The following GMDS variants were observed in gnomAD, a reference collection of about 807,000 sequenced individuals.
GMDS encodes the protein GDP-mannose 4,6-dehydratase, also known as GDP-mannose 4,6 dehydratase.
A neutral mutation model predicts 49.9 loss-of-function variants in GMDS; 20 were observed. The ratio of observed to expected loss-of-function variants is 0.40; its 90% confidence interval spans 0.28 to 0.58. GMDS has a LOEUF of 0.58. Ranked by LOEUF, GMDS falls within the 20% of genes least tolerant of loss-of-function variation. The probability of loss-of-function intolerance (pLI) is 0.42; values close to 1 mark genes in which losing one functional copy is unlikely to be tolerated. For synonymous variants in GMDS, 177 were observed against 178.6 expected (o/e 0.99, Z 0.07); for missense variants, 362 against 481.4 (o/e 0.75, Z 2.32).
chr6:2,088,856 C>G (rs1773158040), intron 4 of GMDS, among the ~76,000 whole-genome samples: 1 of 152,158 alleles, frequency 6.6e-6, no homozygotes, highest in South Asian at 2.1e-4. Flanking sequence ...GCACAAAGGA[C>G]AATCCACAGT....
chr6:1,828,023 A>G (rs1172655967), intron 7 of GMDS, among the ~76,000 whole-genome samples: 1 of 152,192 alleles, frequency 6.6e-6, no homozygotes, highest in Admixed American at 6.5e-5. Context: ...AGGTAATCAA[A>G]GATCTAGGGT....
chr6:1,857,479 GT>G (rs1757987571), intron 7 of GMDS, among the ~76,000 whole-genome samples: 1 of 152,142 alleles, frequency 6.6e-6, no homozygotes, highest in African/African-American at 2.4e-5. Context: ...GGAAATTGCT[GT>G]TTGGCTCTGG....
chr6:2,034,728 T>C (rs1769186053), intron 4 of GMDS, among the ~76,000 whole-genome samples: 1 of 152,198 alleles, frequency 6.6e-6, no homozygotes, highest in Non-Finnish European at 1.5e-5. Flanking sequence ...GCCAAAACTA[T>C]TATCAAAAAA....
intron 1 of GMDS, among the ~76,000 whole-genome samples, chr6:2,166,028 A>G (rs949306831): frequency 3.9e-5 from 6 of 152,254 alleles, no homozygotes; most frequent in Non-Finnish European, 8.8e-5. Context: ...ATGAAAGACA[A>G]GTATGGAAAC....
At chr6:1,805,891 G>A (rs1157194238) in intron 7 of GMDS, among the ~76,000 whole-genome samples, 1 of 152,116 alleles carries the variant, frequency 6.6e-6, no homozygotes, top group South Asian at 2.1e-4. Context: ...TCTGGTATAA[G>A]GTATTTAGGT....
chr6:2,215,507 A>G (rs999163148), intron 1 of GMDS, among the ~76,000 whole-genome samples: 1 of 150,222 alleles, frequency 6.7e-6, no homozygotes, highest in African/African-American at 2.5e-5. Flanking sequence ...TGACTCAGTG[A>G]TCTCCCACCG....
rs1038691850 is a variant in GMDS, at chr6:1,640,690, C to T, written c.988-16150G>A. 8.5e-5 allele frequency among the ~76,000 whole-genome samples: 13 copies of T among 152,252 alleles called. No individual in the cohort carries two copies. The highest frequency in any genetic ancestry group is 1.9e-4 in the East Asian group (1 of 5,186). On this transcript the variant is annotated intron_variant, in intron 9 of 10. Transcript: ENST00000380815. This position sits in a 1 kb window ranked among gnomAD's most constrained non-coding sequence, Gnocchi z 4.0. ...CCCCACAGCGCAGGCCCAGGGCTGC[C>T]GACACAGCAGCCAACCAGACACACG...
intron 7 of GMDS, among the ~76,000 whole-genome samples, chr6:1,758,754 G>C (rs1453738327): frequency 6.6e-6 from 1 of 152,174 alleles, no homozygotes; most frequent in Non-Finnish European, 1.5e-5. Context: ...CCGCGTCTAA[G>C]CTCCAGCCCC....
At chr6:1,927,323 G>A (rs6941441) in intron 7 of GMDS, among the ~76,000 whole-genome samples, 4 of 140,998 alleles carry the variant, frequency 2.8e-5, no homozygotes, top group Admixed American at 7.0e-5. Context: ...TAGCGTGTTG[G>A]TGTATTTTTA....
intron 1 of GMDS, among the ~76,000 whole-genome samples, chr6:2,149,777 C>A (rs941760949): frequency 1.3e-5 from 2 of 152,166 alleles, no homozygotes; most frequent in African/African-American, 2.4e-5. Flanking sequence ...CCCCAGAACC[C>A]AACGGTGACT....
intron 9 of GMDS, among the ~76,000 whole-genome samples, chr6:1,702,813 C>A (rs762614435): frequency 6.6e-6 from 1 of 152,182 alleles, no homozygotes; most frequent in Non-Finnish European, 1.5e-5. Context: ...CATCTGGTGA[C>A]CCTAACCTCA....
chr6:1,713,120 C>T (rs998076923), intron 9 of GMDS, among the ~76,000 whole-genome samples: 7 of 152,194 alleles, frequency 4.6e-5, no homozygotes, highest in Non-Finnish European at 8.8e-5. Flanking sequence ...TCCATAGTGG[C>T]CACTCTCAAG....
At chr6:2,091,933 A>G (rs1773341224) in intron 4 of GMDS, among the ~76,000 whole-genome samples, 1 of 152,070 alleles carries the variant, frequency 6.6e-6, no homozygotes, top group Non-Finnish European at 1.5e-5. Context: ...GTTACAGACC[A>G]TGAATCTACA....
At chr6:1,748,584 C>T (rs570907171) in intron 7 of GMDS, among the ~76,000 whole-genome samples, 36 of 152,188 alleles carry the variant, frequency 2.4e-4, no homozygotes, top group African/African-American at 8.7e-4. Flanking sequence ...TTTATTTAAG[C>T]CAGGGGACAG....
chr6:2,019,728 G>A (rs1768149081), intron 4 of GMDS, among the ~76,000 whole-genome samples: 1 of 152,152 alleles, frequency 6.6e-6, no homozygotes, highest in African/African-American at 2.4e-5. Flanking sequence ...GAGATTACAG[G>A]CATGAGCCAC....
chr6:1,968,082 G>A (rs558953572), intron 4 of GMDS, among the ~76,000 whole-genome samples: 36 of 152,210 alleles, frequency 2.4e-4, no homozygotes, highest in Non-Finnish European at 4.7e-4. Context: ...AATCATTCCA[G>A]GATCACTGAA....
intron 4 of GMDS, among the ~76,000 whole-genome samples, chr6:1,966,883 C>T (rs913591369): frequency 3.3e-5 from 5 of 152,194 alleles, no homozygotes; most frequent in Non-Finnish European, 5.9e-5. Context: ...CACCACTTAG[C>T]CCACACCTTA....
intron 9 of GMDS, among the ~76,000 whole-genome samples, chr6:1,674,156 T>C (rs954661872): frequency 2.3e-5 from 3 of 133,088 alleles, no homozygotes; most frequent in African/African-American, 7.9e-5. Context: ...TGAACAAGAG[T>C]TCCTGCTGCT....
At chr6:1,973,692 C>T (rs1764739789) in intron 4 of GMDS, among the ~76,000 whole-genome samples, 1 of 151,950 alleles carries the variant, frequency 6.6e-6, no homozygotes, top group Non-Finnish European at 1.5e-5. Flanking sequence ...TTTATGAATA[C>T]TATAATTACA....
Sources: gnomAD v4.1 joint callset for allele counts (sites outside exome capture counted in the v4.1 genomes callset) on GRCh38, gnomAD v4.1.1 for gene constraint, Gnocchi (gnomAD v3.1) non-coding constraint, MANE v1.5 for transcripts, NCBI Gene and HGNC (gene_info 2026-07-23, HGNC 2026-07-21) for gene names.